ZNF469: variants seen among roughly 807,000 people sequenced by gnomAD.
The protein encoded by ZNF469 is zinc finger protein 469.
Under a neutral mutation model 1.0 loss-of-function variants are expected in ZNF469, and 1 was observed. The ratio of observed to expected loss-of-function variants is 1.00; its 90% confidence interval spans 0.35 to 4.73. The LOEUF is 4.73. ZNF469 is among the 30% of genes most tolerant of loss of function. ZNF469 has a pLI of 0.16. For synonymous variants in ZNF469, 2,703 were observed against 2,363.4 expected (o/e 1.14, Z -4.17); for missense variants, 6,100 against 5,356.3 (o/e 1.14, Z -4.33).
At chr16:88,418,377 G>A (rs1041503864) in intron 1 of ZNF469, among the ~76,000 whole-genome samples, 1 of 152,158 alleles carries the variant, frequency 6.6e-6, no homozygotes, top group Non-Finnish European at 1.5e-5. Flanking sequence ...CCTGGCCACT[G>A]ATGAGGTCCT....
At chr16:88,208,571 GAGGGAAGGAGA>G in the ZNF469 span, among the ~76,000 whole-genome samples, 1 of 30,472 alleles carries the variant, frequency 3.3e-5, no homozygotes, top group Admixed American at 3.6e-4. Context: ...GGGAAGGAGA[GAGGGAAGGAGA>G]GAGGGAGGGA....
At chr16:88,101,044 C>T in the ZNF469 span, 17 of 215,792 alleles carry the variant, frequency 7.9e-5, no homozygotes, top group African/African-American at 3.1e-4. Flanking sequence ...GGATGGGCGC[C>T]GGCAGACACG....
chr16:88,163,702 T>C, the ZNF469 span, among the ~76,000 whole-genome samples: 2 of 145,790 alleles, frequency 1.4e-5, no homozygotes, highest in Admixed American at 6.8e-5. Flanking sequence ...GGATGTATGA[T>C]GGATGGGTGA....
chr16:88,385,221 C>T (rs1478978457), intron 1 of ZNF469, among the ~76,000 whole-genome samples: 1 of 152,150 alleles, frequency 6.6e-6, no homozygotes, highest in Non-Finnish European at 1.5e-5. Context: ...CCCTCCCCTC[C>T]TTTCTCCTGG....
the ZNF469 span, among the ~76,000 whole-genome samples, chr16:88,174,918 C>T: frequency 1.4e-5 from 2 of 147,636 alleles, no homozygotes; most frequent in African/African-American, 2.5e-5. Flanking sequence ...GCCACAACCT[C>T]TGCATTATTC....
the ZNF469 span, among the ~76,000 whole-genome samples, chr16:88,243,601 A>C: frequency 5.6e-3 from 853 of 152,062 alleles, 12 homozygotes; most frequent in African/African-American, 0.019. Context: ...CCCTGCATGT[A>C]CGTTAGCAGG....
At chr16:88,411,472 G>A (rs1181408234) in intron 1 of ZNF469, among the ~76,000 whole-genome samples, 3 of 4,908 alleles carry the variant, frequency 6.1e-4, no homozygotes, top group African/African-American at 9.5e-4. Flanking sequence ...GGGCAGGGGT[G>A]CAAGCAGGCA....
rs997960249 is a variant in ZNF469 at position 88,439,124 on chromosome 16, C to T, written c.11654C>T (p.Thr3885Ile). 1.4e-5 allele frequency: 22 copies of T among 1,550,804 alleles called. No homozygotes were observed. The highest frequency in any genetic ancestry group is 1.8e-5 in the Non-Finnish European group (21 of 1,146,992). Residue 3885 changes from threonine to isoleucine, a missense_variant, in exon 3 of 3, where the codon ACA (threonine) becomes ATA (isoleucine). Coordinates refer to ENST00000565624, the MANE Select transcript of ZNF469 (RefSeq NM_001367624.2). ...SEQRKAEPGH[T>I]QRKDRLGKAF... is the part of the protein sequence containing the mutation. ...CAGCGGAAGGCAGAGCCGGGCCACA[C>T]ACAGAGGAAGGACAGACTGGGCAAG...
chr16:88,250,342 A>T, the ZNF469 span, among the ~76,000 whole-genome samples: 3 of 152,160 alleles, frequency 2.0e-5, no homozygotes, highest in South Asian at 2.1e-4. Context: ...TTTGTTCAAT[A>T]TATTTTTTGT....
chr16:88,110,241 C>T, the ZNF469 span, among the ~76,000 whole-genome samples: 8 of 152,312 alleles, frequency 5.3e-5, no homozygotes, highest in East Asian at 1.5e-3. Flanking sequence ...GAGTTCAGAC[C>T]CCCGGGGGGC....
At chr16:88,144,242 G>A in the ZNF469 span, among the ~76,000 whole-genome samples, 4 of 152,346 alleles carry the variant, frequency 2.6e-5, no homozygotes, top group Admixed American at 6.5e-5. Flanking sequence ...CTCTGGTCCC[G>A]GCAGAGCTGC....
At chr16:88,219,338 T>C in the ZNF469 span, among the ~76,000 whole-genome samples, 13 of 141,992 alleles carry the variant, frequency 9.2e-5, no homozygotes, top group Non-Finnish European at 1.4e-4. Flanking sequence ...AGAACAAAGC[T>C]GGAGGCATCA....
At chr16:88,222,891 A>ACTCATCC in the ZNF469 span, among the ~76,000 whole-genome samples, 1 of 152,156 alleles carries the variant, frequency 6.6e-6, no homozygotes, top group Non-Finnish European at 1.5e-5. Context: ...GGGCCACCAC[A>ACTCATCC]CTCATCCCAA....
the ZNF469 span, among the ~76,000 whole-genome samples, chr16:88,215,383 ATTTTT>A: frequency 1.2e-3 from 115 of 94,168 alleles, no homozygotes; most frequent in African/African-American, 3.9e-3. Flanking sequence ...TTGCCTTTTA[ATTTTT>A]TTTTTTTTTT....
rs2142310801 is a variant in ZNF469 at position 88,434,813 on chromosome 16, C to T, written c.7343C>T (p.Ser2448Phe). 6.5e-7 allele frequency: 1 copy of T among 1,550,350 alleles called. No individual in the cohort carries two copies. Among genetic ancestry groups the T allele is most frequent in the Non-Finnish European group, 8.7e-7 (1 of 1,146,972 alleles). ...GGCCCCCAAGACCTCAAACAGAGGTCCCGTGGCTATAAAAAGAAGCCTGCA... is the reference window on the plus strand; with the variant it reads ...GGCCCCCAAGACCTCAAACAGAGGTTCCGTGGCTATAAAAAGAAGCCTGCA... ...PLGPQDLKQR[S>F]RGYKKKPAST... The change falls in exon 3 of 3, where the codon TCC becomes TTC. Residue 2448 changes from serine (S) to phenylalanine (F), a missense_variant. Coordinates refer to ENST00000565624, the MANE Select transcript of ZNF469 (RefSeq NM_001367624.2).
At chr16:88,202,104 G>T in the ZNF469 span, among the ~76,000 whole-genome samples, 1 of 152,158 alleles carries the variant, frequency 6.6e-6, no homozygotes, top group Non-Finnish European at 1.5e-5. Flanking sequence ...GGCCAGAGTG[G>T]CTGGAATGCC....
At chr16:88,113,732 C>T in the ZNF469 span, among the ~76,000 whole-genome samples, 7 of 152,180 alleles carry the variant, frequency 4.6e-5, no homozygotes, top group African/African-American at 1.7e-4. Context: ...GTGCAGGGCC[C>T]CAGCTGTGAG....
At chr16:88,149,888 C>T in the ZNF469 span, among the ~76,000 whole-genome samples, 1 of 152,222 alleles carries the variant, frequency 6.6e-6, no homozygotes, top group African/African-American at 2.4e-5. Context: ...TGTTCACATG[C>T]CCCTCCTCTC....
chr16:88,385,892 T>C (rs4782513), intron 1 of ZNF469, among the ~76,000 whole-genome samples: 100,699 of 152,076 alleles, frequency 0.66, 34,167 homozygotes, highest in African/African-American at 0.82. Context: ...CCTGGCACAC[T>C]GCAAGTACTT....
Sources: allele counts gnomAD v4.1 joint callset (sites outside exome capture counted in the v4.1 genomes callset), GRCh38; gene constraint gnomAD v4.1.1; transcripts MANE v1.5; gene names NCBI Gene and HGNC (gene_info 2026-07-23, HGNC 2026-07-21).